The following PVT1 variants were observed in gnomAD, a reference collection of about 807,000 sequenced individuals.
PVT1 encodes Pvt1 oncogene.
At chr8:127,913,979 T>C (rs951975821) in intron 3 of PVT1, among the ~76,000 whole-genome samples, 1 of 151,962 alleles carries the variant, frequency 6.6e-6, no homozygotes, top group African/African-American at 2.4e-5. Context: ...TGCTTTTCAG[T>C]AGTGGCTGGG....
intron 4 of PVT1, among the ~76,000 whole-genome samples, chr8:128,004,800 T>A (rs1210219858): frequency 3.3e-5 from 5 of 152,216 alleles, no homozygotes; most frequent in Non-Finnish European, 5.9e-5. Context: ...AATGCCTTTC[T>A]CTATGTTGTT....
At chr8:127,827,987 C>A (rs1214323881) in intron 2 of PVT1, among the ~76,000 whole-genome samples, 1 of 152,130 alleles carries the variant, frequency 6.6e-6, no homozygotes, top group Admixed American at 6.5e-5. Flanking sequence ...TTCTACCCAG[C>A]GACCAATTCT....
intron 4 of PVT1, among the ~76,000 whole-genome samples, chr8:128,060,257 A>T (rs1813814715): frequency 6.6e-6 from 1 of 152,156 alleles, no homozygotes; most frequent in Non-Finnish European, 1.5e-5. Context: ...CTCCGTCAAA[A>T]AGAAAGAATT....
chr8:127,892,270 A>G (rs1467699308), intron 3 of PVT1, among the ~76,000 whole-genome samples: 1 of 152,114 alleles, frequency 6.6e-6, no homozygotes, highest in Non-Finnish European at 1.5e-5. Flanking sequence ...CATATGTGCA[A>G]TTTACTGGGT....
intron 4 of PVT1, among the ~76,000 whole-genome samples, chr8:128,064,285 G>A (rs938107692): frequency 6.6e-6 from 1 of 152,220 alleles, no homozygotes; most frequent in African/African-American, 2.4e-5. Context: ...GCTCAGCAGA[G>A]AGCGATTCAT....
chr8:127,796,491 CT>C (rs1814398090), intron 2 of PVT1, among the ~76,000 whole-genome samples: 1 of 151,926 alleles, frequency 6.6e-6, no homozygotes, highest in Admixed American at 6.6e-5. Flanking sequence ...TTTTTTCCGC[CT>C]CCTGAGCGGT....
chr8:127,919,001 C>T (rs1816024280), intron 3 of PVT1, among the ~76,000 whole-genome samples: 1 of 152,140 alleles, frequency 6.6e-6, no homozygotes. Context: ...GGGTTCTGAT[C>T]GTTGGGGCTG....
In PVT1 at chr8:127,898,336, AGAAAG is replaced by A. The variant is rs1815713328; in HGVS notation, n.782+7344_782+7348del. ...AAAGAAAATAATGTAAAGAAAGAAA[AGAAAG>A]GAAAGAAAGATTCATTACTATCCTT... On this transcript the variant is annotated intron_variant and non_coding_transcript_variant, in intron 3 of 10. Coordinates refer to ENST00000651587, the Ensembl canonical transcript of PVT1. This position sits in a 1 kb window ranked among gnomAD's most constrained non-coding sequence, Gnocchi z 4.4. Among the ~76,000 whole-genome samples the A allele has an allele frequency of 1.3e-5, 2 of 152,256 alleles. No homozygotes were observed. Among genetic ancestry groups the A allele is most frequent in the Admixed American group, 6.5e-5 (1 of 15,288 alleles).
chr8:127,944,006 C>A (rs767406529), intron 3 of PVT1, among the ~76,000 whole-genome samples: 3 of 152,116 alleles, frequency 2.0e-5, no homozygotes, highest in African/African-American at 4.8e-5. Context: ...TCATTCCATG[C>A]GCACTCAATA....
At chr8:127,908,937 G>T (rs1328712491) in intron 3 of PVT1, among the ~76,000 whole-genome samples, 1 of 152,138 alleles carries the variant, frequency 6.6e-6, no homozygotes, top group Non-Finnish European at 1.5e-5. Context: ...CCCAGCTGCC[G>T]GGTCTTCAAA....
At chr8:127,862,060 A>C (rs1563624083) in intron 2 of PVT1, among the ~76,000 whole-genome samples, 1 of 152,334 alleles carries the variant, frequency 6.6e-6, no homozygotes, top group East Asian at 1.9e-4. Flanking sequence ...TTGCTGAGGC[A>C]GCCTCCAATA....
chr8:128,017,577 G>C (rs1817387807), intron 4 of PVT1, among the ~76,000 whole-genome samples: 1 of 151,278 alleles, frequency 6.6e-6, no homozygotes, highest in African/African-American at 2.4e-5. Flanking sequence ...GACTATAAGT[G>C]CATGCCACCA....
At chr8:127,994,899 A>G (rs1353278346) in intron 4 of PVT1, among the ~76,000 whole-genome samples, 1 of 152,206 alleles carries the variant, frequency 6.6e-6, no homozygotes, top group African/African-American at 2.4e-5. Flanking sequence ...AGTGGGTTGA[A>G]TGAGGCCCAA....
At chr8:127,873,976 A>G (rs1223897456) in intron 2 of PVT1, among the ~76,000 whole-genome samples, 2 of 152,234 alleles carry the variant, frequency 1.3e-5, no homozygotes, top group Non-Finnish European at 2.9e-5. Context: ...CAAGCAGCCA[A>G]GCACCCTATA....
chr8:127,856,273 C>A (rs187256416), intron 2 of PVT1, among the ~76,000 whole-genome samples: 1 of 151,790 alleles, frequency 6.6e-6, no homozygotes, highest in Non-Finnish European at 1.5e-5. Context: ...GTTGGGTGTC[C>A]TGGGAAGGCT....
intron 4 of PVT1, among the ~76,000 whole-genome samples, chr8:128,067,462 T>C (rs1813924373): frequency 1.3e-5 from 2 of 152,174 alleles, no homozygotes; most frequent in Non-Finnish European, 2.9e-5. Context: ...ATGGTTAGAC[T>C]TCTAATCAAA....
chr8:127,829,285 A>G (rs1814825062), intron 2 of PVT1, among the ~76,000 whole-genome samples: 1 of 152,196 alleles, frequency 6.6e-6, no homozygotes, highest in Non-Finnish European at 1.5e-5. Context: ...CTCAGGGGAA[A>G]AAAAATGCAT....
chr8:127,915,034 A>G (rs1315859321), intron 3 of PVT1, among the ~76,000 whole-genome samples: 1 of 152,012 alleles, frequency 6.6e-6, no homozygotes, highest in Non-Finnish European at 1.5e-5. Flanking sequence ...CATGTTGGCC[A>G]GGCTGGTCTC....
chr8:128,081,093 C>T lies in PVT1; in HGVS notation n.1114+10732C>T, dbSNP rs905868612. 1.2e-4 allele frequency among the ~76,000 whole-genome samples: 18 copies of T among 152,292 alleles called. No individual in the cohort carries two copies. In the East Asian group the frequency reaches 1.5e-3, roughly 13 times the overall value. On this transcript the variant is annotated intron_variant and non_coding_transcript_variant, in intron 5 of 10. Transcript: ENST00000651587. ...CTTGTTTATTATTTTGCCAATACCACGCCATCTTGATGACCATAGCTTTAT... is the reference window on the plus strand; with the variant it reads ...CTTGTTTATTATTTTGCCAATACCATGCCATCTTGATGACCATAGCTTTAT...
Sources: allele counts gnomAD v4.1 joint callset (sites outside exome capture counted in the v4.1 genomes callset), GRCh38; gene constraint gnomAD v4.1.1; non-coding constraint Gnocchi (gnomAD v3.1); transcripts MANE v1.5; gene names NCBI Gene and HGNC (gene_info 2026-07-23, HGNC 2026-07-21).